The following GABBR2 variants were observed in gnomAD, a reference collection of about 807,000 sequenced individuals.
The protein encoded by GABBR2 is gamma-aminobutyric acid type B receptor subunit 2, also known as G-protein coupled receptor 51.
In GABBR2, 23 loss-of-function variants were observed where a neutral mutation model predicts 105.6. The observed-to-expected ratio is 0.22, with a 90% confidence interval of 0.16 to 0.31. The LOEUF is 0.31. GABBR2 is among the 10% of genes least tolerant of loss of function. GABBR2 has a pLI of 1.00. For synonymous variants in GABBR2, 478 were observed against 499.7 expected, an observed-to-expected ratio of 0.96 and a Z score of 0.58; for missense variants, 734 against 1,245.5, an observed-to-expected ratio of 0.59 and a Z score of 6.18.
intron 3 of GABBR2, among the ~76,000 whole-genome samples, chr9:98,510,057 C>A (rs1468998774): frequency 1.3e-5 from 2 of 152,372 alleles, no homozygotes; most frequent in East Asian, 3.8e-4. Flanking sequence ...GTCCATCAGA[C>A]TAACAGCTGA....
chr9:98,511,856 A>G (rs1294628524), intron 3 of GABBR2, among the ~76,000 whole-genome samples: 8 of 152,150 alleles, frequency 5.3e-5, no homozygotes, highest in African/African-American at 1.4e-4. Context: ...CATTCCTTCT[A>G]AAACTATTCC....
chr9:98,639,399 T>C (rs1400910263), intron 1 of GABBR2, among the ~76,000 whole-genome samples: 1 of 152,134 alleles, frequency 6.6e-6, no homozygotes, highest in African/African-American at 2.4e-5. Context: ...ATCACACTAA[T>C]GAAGATAGCA....
chr9:98,429,250 C>T (rs1415165713), intron 7 of GABBR2, among the ~76,000 whole-genome samples: 2 of 151,858 alleles, frequency 1.3e-5, no homozygotes, highest in African/African-American at 4.8e-5. Flanking sequence ...AGCGATCCTC[C>T]TGCATTAGCC....
At chr9:98,681,654 T>G (rs1830549000) in intron 1 of GABBR2, among the ~76,000 whole-genome samples, 1 of 152,276 alleles carries the variant, frequency 6.6e-6, no homozygotes, top group East Asian at 1.9e-4. Flanking sequence ...CCATGACAAC[T>G]AAATGAATAA....
chr9:98,617,586 G>C (rs1175393415), intron 1 of GABBR2, among the ~76,000 whole-genome samples: 1 of 152,188 alleles, frequency 6.6e-6, no homozygotes, highest in African/African-American at 2.4e-5. Flanking sequence ...GGAATGACAA[G>C]GGAGATGGAA....
rs148361964 is a variant in GABBR2, at chr9:98,370,546, G to A, written c.1770+918C>T. Among the ~76,000 whole-genome samples, 333 of 152,282 alleles carry A rather than the reference G, an allele frequency of 2.2e-3. 3 individuals are homozygous for A. Among genetic ancestry groups the A allele is most frequent in the Middle Eastern group, 6.8e-3 (2 of 294 alleles). On this transcript the variant is annotated intron_variant, in intron 12 of 18. Transcript: ENST00000259455. The stretch of plus-strand genomic sequence containing the variant: ...ATGCAGGCTGGCCAAAGACAGAAGC[G>A]GCCAGCCTATACTCCTTTTCCCAAG...
At chr9:98,298,219 G>C (rs1830413418) in intron 17 of GABBR2, among the ~76,000 whole-genome samples, 1 of 151,990 alleles carries the variant, frequency 6.6e-6, no homozygotes. Flanking sequence ...CATAATGTTG[G>C]CTTTCATCTT....
chr9:98,374,134 C>T lies in GABBR2; in HGVS notation c.1663-2563G>A, dbSNP rs116917550. Among the ~76,000 whole-genome samples, 43 of 152,244 alleles carry T rather than the reference C, an allele frequency of 2.8e-4. No homozygotes were observed. In the East Asian group the frequency reaches 8.1e-3, roughly 29 times the overall value. On this transcript the variant is annotated intron_variant, in intron 11 of 18. Transcript: ENST00000259455. ...TCGGCCTCTCAAAATGTTGGGAGTA[C>T]AGGCAAGAGCCACTGCACCTGGCCT...
chr9:98,423,179 A>G (rs966586539), intron 7 of GABBR2, among the ~76,000 whole-genome samples: 5 of 152,334 alleles, frequency 3.3e-5, no homozygotes, highest in Admixed American at 2.6e-4. Flanking sequence ...TCCCTGAGGA[A>G]TCGCCGCACT....
chr9:98,605,726 A>G (rs10986999), intron 1 of GABBR2, among the ~76,000 whole-genome samples: 5,802 of 152,172 alleles, frequency 0.038, 126 homozygotes, highest in East Asian at 0.056. Flanking sequence ...GTAGCATCCC[A>G]TTTCTTCACC....
At chr9:98,386,952 C>T (rs1285100297) in intron 10 of GABBR2, among the ~76,000 whole-genome samples, 2 of 152,178 alleles carry the variant, frequency 1.3e-5, no homozygotes, top group Non-Finnish European at 2.9e-5. Flanking sequence ...AATTTCCTCA[C>T]CTGTATAACT....
chr9:98,612,970 G>A (rs1829527061), intron 1 of GABBR2, among the ~76,000 whole-genome samples: 1 of 152,236 alleles, frequency 6.6e-6, no homozygotes, highest in South Asian at 2.1e-4. Flanking sequence ...CTAGAGGAAA[G>A]CTGGGATGAA....
chr9:98,566,845 AAAG>A (rs1197811719), intron 2 of GABBR2, among the ~76,000 whole-genome samples: 2 of 151,426 alleles, frequency 1.3e-5, no homozygotes, highest in Admixed American at 6.6e-5. Flanking sequence ...AAGAAATAAG[AAAG>A]AAGAAGAAAG....
chr9:98,561,807 G>A (rs984690296), intron 2 of GABBR2, among the ~76,000 whole-genome samples: 15 of 152,156 alleles, frequency 9.9e-5, no homozygotes, highest in East Asian at 3.9e-4. Flanking sequence ...TCCCTTGAGC[G>A]CAGGAGTTTG....
chr9:98,468,467 G>C (rs1011269426), intron 6 of GABBR2, among the ~76,000 whole-genome samples: 6 of 152,098 alleles, frequency 3.9e-5, no homozygotes, highest in Non-Finnish European at 7.4e-5. Context: ...CTAATTTCAG[G>C]TACAAAATTT....
intron 3 of GABBR2, among the ~76,000 whole-genome samples, chr9:98,510,028 G>A (rs1365681838): frequency 2.6e-5 from 4 of 152,272 alleles, no homozygotes; most frequent in Admixed American, 6.5e-5. Context: ...GAGAAAGGTC[G>A]GGTTACCCAC....
At chr9:98,564,764 T>C (rs929368499) in intron 2 of GABBR2, among the ~76,000 whole-genome samples, 30 of 152,238 alleles carry the variant, frequency 2.0e-4, no homozygotes, top group African/African-American at 6.5e-4. Flanking sequence ...GCAAGGACTG[T>C]CTGGGCCTGA....
chr9:98,385,914 C>G (rs1256388261), intron 10 of GABBR2, 142 bp from the exon 11 acceptor site: 1 of 650,082 alleles, frequency 1.5e-6, no homozygotes, highest in African/African-American at 1.8e-5. Flanking sequence ...GCCATGGGGC[C>G]TCAGGGGACA....
At chr9:98,439,887 C>A (rs947130523) in intron 7 of GABBR2, among the ~76,000 whole-genome samples, 2 of 148,458 alleles carry the variant, frequency 1.3e-5, no homozygotes, top group Non-Finnish European at 3.0e-5. Context: ...CCTCTTTAAT[C>A]CTCACAGCCC....
Sources: allele counts gnomAD v4.1 joint callset (sites outside exome capture counted in the v4.1 genomes callset), GRCh38; gene constraint gnomAD v4.1.1; transcripts MANE v1.5; gene names NCBI Gene and HGNC (gene_info 2026-07-23, HGNC 2026-07-21).